PPFIA2: variants seen among roughly 807,000 people sequenced by gnomAD.
PPFIA2 encodes PPFI scaffold protein A2.
Under a neutral mutation model 175.5 loss-of-function variants are expected in PPFIA2, and 46 were observed. The ratio of observed to expected loss-of-function variants is 0.26; its 90% CI spans 0.21 to 0.34. The LOEUF (loss-of-function observed/expected upper bound fraction) is 0.34. PPFIA2 is among the 10% of genes least tolerant of loss of function. The pLI is 1.00. For synonymous variants in PPFIA2, 568 were observed against 511.4 expected (o/e 1.11, Z -1.49); for missense variants, 1,179 against 1,506.1 (o/e 0.78, Z 3.60).
rs527912355 is a variant in PPFIA2 at position 81,334,277 on chromosome 12, T to C, written c.2548+4903A>G. On this transcript the variant is annotated intron_variant, in intron 21 of 32. Coordinates refer to ENST00000549396, the MANE Select transcript of PPFIA2 (RefSeq NM_003625.5). ...AAACTTTTCTGGGCCAAAAATATAG[T>C]GAAGTTTTAGTTTTAAGTATAAAGT... Among the ~76,000 whole-genome samples, 4 of 152,254 alleles carry C rather than the reference T, an allele frequency of 2.6e-5. No homozygotes were observed. The East Asian group carries it at 5.8e-4, about 22-fold the overall frequency.
At chr12:81,745,868 T>C (rs1322841657) in intron 3 of PPFIA2, among the ~76,000 whole-genome samples, 2 of 152,204 alleles carry the variant, frequency 1.3e-5, no homozygotes, top group Admixed American at 6.5e-5. Context: ...TTCCCGAAGC[T>C]CTTCTCACTT....
intron 3 of PPFIA2, among the ~76,000 whole-genome samples, chr12:81,708,957 G>T (rs1373267614): frequency 6.6e-6 from 1 of 152,086 alleles, no homozygotes; most frequent in Non-Finnish European, 1.5e-5. Context: ...AGATAAAATT[G>T]TTCTCTTCTT....
At chr12:81,608,271 T>C (rs765499431) in intron 4 of PPFIA2, among the ~76,000 whole-genome samples, 1 of 152,072 alleles carries the variant, frequency 6.6e-6, no homozygotes, top group Admixed American at 6.6e-5. Context: ...TTGTTGTGTC[T>C]CTGTCAGATT....
intron 4 of PPFIA2, among the ~76,000 whole-genome samples, chr12:81,566,494 A>G (rs2153404267): frequency 7.2e-6 from 1 of 139,422 alleles, no homozygotes; most frequent in South Asian, 2.4e-4. Flanking sequence ...ACTACACTCC[A>G]GCCTAGCAGC....
rs184697747 is a variant in PPFIA2, at chr12:81,368,897, T to C, written c.1351-41A>G. The C allele has an allele frequency of 1.2e-4, 183 of 1,576,926 alleles. 1 individual carries two copies. The African/African-American group carries it at 2.2e-3, about 19-fold the overall frequency. On this transcript the variant is annotated intron_variant, in intron 12 of 32. Coordinates refer to ENST00000549396, the MANE Select transcript of PPFIA2 (RefSeq NM_003625.5). ...ATGACATAAAAATCCATTCAAAAAC[T>C]GTTTGAGATTATTTTTATAGTGTTG...
At position 81,358,230 on chromosome 12, in the gene PPFIA2, A is replaced by G; in HGVS notation, c.1638-13T>C. On this transcript the variant is annotated splice_polypyrimidine_tract_variant and intron_variant, in intron 15 of 32. Coordinates refer to ENST00000549396, the MANE Select transcript of PPFIA2 (RefSeq NM_003625.5). ...GTCTAGATGAGTTCTGGAAAAAAGG[A>G]AAAATATAAAATAATCCAATCTCAA... 1 of 1,555,980 alleles carries G rather than the reference A, an allele frequency of 6.4e-7. No individual in the cohort carries two copies. Among genetic ancestry groups the G allele is most frequent in the African/African-American group, 1.4e-5 (1 of 73,026 alleles).
intron 4 of PPFIA2, among the ~76,000 whole-genome samples, chr12:81,655,103 T>C (rs1378376673): frequency 2.0e-5 from 3 of 152,070 alleles, no homozygotes; most frequent in Non-Finnish European, 2.9e-5. Flanking sequence ...ATAAATTCTG[T>C]TGAAAATATC....
chr12:81,413,887 T>C (rs1191313884), intron 7 of PPFIA2, among the ~76,000 whole-genome samples: 2 of 151,742 alleles, frequency 1.3e-5, no homozygotes, highest in Non-Finnish European at 3.0e-5. Context: ...TCTGAAATAT[T>C]AATATACATG....
rs182131942 is a variant in PPFIA2 at position 81,696,013 on chromosome 12, G to A, written c.250-19169C>T. Reference sequence around the variant, plus strand: ...TAACATATTGTGATTTTTGTGTGGTGTAATTGAGTGTTGGTATTAATACAA... The same window carrying A: ...TAACATATTGTGATTTTTGTGTGGTATAATTGAGTGTTGGTATTAATACAA... On this transcript the variant is annotated intron_variant, in intron 3 of 32. Coordinates refer to ENST00000549396, the MANE Select transcript of PPFIA2 (RefSeq NM_003625.5). Among the ~76,000 whole-genome samples the A allele has an allele frequency of 3.3e-5, 5 of 152,316 alleles. No homozygotes were observed. The East Asian group carries it at 5.8e-4, about 18-fold the overall frequency.
chr12:81,490,468 ACTT>A (rs1162424369), intron 4 of PPFIA2, among the ~76,000 whole-genome samples: 5 of 151,826 alleles, frequency 3.3e-5, no homozygotes, highest in African/African-American at 1.2e-4. Flanking sequence ...CCAACATACT[ACTT>A]CTTCTCATTT....
At chr12:81,730,434 AG>A (rs1243010206) in intron 3 of PPFIA2, among the ~76,000 whole-genome samples, 1 of 151,630 alleles carries the variant, frequency 6.6e-6, no homozygotes, top group African/African-American at 2.4e-5. Flanking sequence ...ACTTCTTCAC[AG>A]GTGGCAGGAC....
rs371717738 is a variant in PPFIA2 at position 81,664,992 on chromosome 12, AC to A, written c.303+11798del. On this transcript the variant is annotated intron_variant, in intron 4 of 32. Coordinates refer to ENST00000549396, the MANE Select transcript of PPFIA2 (RefSeq NM_003625.5). ...CATAGGTGGGAATTGAACAATGAGA[AC>A]ACATGGACACAGGAAGGGGAACATC... Among the ~76,000 whole-genome samples, 27 of 151,686 alleles carry A rather than the reference AC, an allele frequency of 1.8e-4. No homozygotes were observed. The South Asian group carries it at 2.9e-3, about 16-fold the overall frequency.
In PPFIA2 at chr12:81,598,180, T is replaced by C. The variant is rs1010911882; in HGVS notation, c.303+78611A>G. On this transcript the variant is annotated intron_variant, in intron 4 of 32. Coordinates refer to ENST00000549396, the MANE Select transcript of PPFIA2 (RefSeq NM_003625.5). ...CCTTCTTACATACACAGTGATAGCA[T>C]TTTGAATTGTTCTTCTACATTTGAA... 5.1e-6 allele frequency: 7 copies of C among 1,383,682 alleles called. No homozygotes were observed. In the African/African-American group the frequency reaches 8.8e-5, roughly 17 times the overall value. The allele number at this position is 1,383,682 out of a possible 1,614,324, so 85.7% of individuals were successfully genotyped here. A position where few individuals can be genotyped will look rare whatever the true frequency, so the allele number is the denominator to read the frequency against.
intron 4 of PPFIA2, among the ~76,000 whole-genome samples, chr12:81,460,751 G>C (rs2054385094): frequency 6.6e-6 from 1 of 152,040 alleles, no homozygotes; most frequent in Admixed American, 6.6e-5. Context: ...AACATTGATT[G>C]CAAACTTACA....
chr12:81,506,396 C>A lies in PPFIA2; in HGVS notation c.304-48530G>T, dbSNP rs75174546. 3.1e-3 allele frequency among the ~76,000 whole-genome samples: 479 copies of A among 152,292 alleles called. 2 individuals are homozygous for A. Among genetic ancestry groups the A allele is most frequent in the African/African-American group, 0.011 (461 of 41,564 alleles). The stretch of plus-strand genomic sequence containing the variant: ...TTTAGATAGCACTTTATACATAACT[C>A]TAACTTAACACTGCCACACAGCATT... On this transcript the variant is annotated intron_variant, in intron 4 of 32. Coordinates refer to ENST00000549396, the MANE Select transcript of PPFIA2 (RefSeq NM_003625.5).
chr12:81,501,139 A>C (rs1045136972), intron 4 of PPFIA2, among the ~76,000 whole-genome samples: 1 of 152,188 alleles, frequency 6.6e-6, no homozygotes, highest in Non-Finnish European at 1.5e-5. Flanking sequence ...ACATGATTTG[A>C]ATTCCCTTCC....
chr12:81,457,706 A>T, intron 5 of PPFIA2, 59 bp downstream of exon 5: 1 of 986,258 alleles, frequency 1.0e-6, no homozygotes. Flanking sequence ...TATGTGTGTT[A>T]CATGTAATGC....
intron 4 of PPFIA2, among the ~76,000 whole-genome samples, chr12:81,531,222 CA>C (rs1218942032): frequency 6.6e-6 from 1 of 151,794 alleles, no homozygotes; most frequent in Non-Finnish European, 1.5e-5. Context: ...TTTATTCATC[CA>C]AAAATACCAA....
intron 4 of PPFIA2, among the ~76,000 whole-genome samples, chr12:81,624,827 G>T (rs1292187826): frequency 1.3e-5 from 2 of 150,648 alleles, no homozygotes; most frequent in African/African-American, 2.4e-5. Context: ...GACTCAGAAG[G>T]GGGAGGGTGG....
Sources: allele counts gnomAD v4.1 joint callset (sites outside exome capture counted in the v4.1 genomes callset), GRCh38; gene constraint gnomAD v4.1.1; transcripts MANE v1.5; gene names NCBI Gene and HGNC (gene_info 2026-07-23, HGNC 2026-07-21).